The following CFAP57 variants were observed in gnomAD, a reference collection of about 807,000 sequenced individuals.
The protein encoded by CFAP57 is cilia and flagella associated protein 57.
Under a neutral mutation model 146.8 loss-of-function variants are expected in CFAP57, and 116 were observed. The observed-to-expected ratio is 0.79, with a 90% CI of 0.68 to 0.92. The LOEUF is 0.92. Among genes scored for constraint, CFAP57 ranks in the 40% least tolerant of loss-of-function variants. The pLI, the probability that CFAP57 is intolerant of heterozygous loss-of-function variation, is 0.00. For missense variants in CFAP57, 1,377 were observed against 1,527.2 expected (o/e 0.90, Z 1.64); for synonymous variants, 518 against 552.8 (o/e 0.94, Z 0.88).
chr1:43,184,109 A>C (rs1375846876), intron 4 of CFAP57, among the ~76,000 whole-genome samples: 1 of 152,234 alleles, frequency 6.6e-6, no homozygotes, highest in Admixed American at 6.5e-5. Context: ...TTTTATAAAC[A>C]TTATAGTATT....
intron 9 of CFAP57, among the ~76,000 whole-genome samples, chr1:43,202,278 A>T (rs757525054): frequency 3.9e-5 from 6 of 152,236 alleles, no homozygotes; most frequent in Non-Finnish European, 8.8e-5. Context: ...TTAAATTCAA[A>T]TAAAAGGCAG....
intron 6 of CFAP57, among the ~76,000 whole-genome samples, chr1:43,190,523 G>C (rs567084649): frequency 6.6e-6 from 1 of 152,168 alleles, no homozygotes; most frequent in South Asian, 2.1e-4. Context: ...GCCTGCCTCG[G>C]CCTCCTAAAG....
At chr1:43,176,501 G>A (rs755820687) in intron 2 of CFAP57, among the ~76,000 whole-genome samples, 5 of 152,192 alleles carry the variant, frequency 3.3e-5, no homozygotes, top group African/African-American at 7.2e-5. Context: ...TCTGTAAGAT[G>A]CAGATGATGC....
intron 19 of CFAP57, among the ~76,000 whole-genome samples, chr1:43,232,979 A>G (rs1014514953): frequency 2.6e-5 from 4 of 152,244 alleles, no homozygotes; most frequent in Admixed American, 2.6e-4. Flanking sequence ...TGCCAAGGCC[A>G]GGGGAACCTC....
chr1:43,212,339 T>A (rs1644651475), intron 11 of CFAP57, among the ~76,000 whole-genome samples: 1 of 152,250 alleles, frequency 6.6e-6, no homozygotes, highest in Non-Finnish European at 1.5e-5. Flanking sequence ...TTTGTTCTTA[T>A]TTCCATAACT....
intron 21 of CFAP57, among the ~76,000 whole-genome samples, chr1:43,236,590 T>TAAAA (rs764205138): frequency 0.26 from 10,687 of 41,698 alleles, 3,474 homozygotes; most frequent in East Asian, 0.54. Flanking sequence ...GAATAAGTGC[T>TAAAA]AAAAAAAAAA....
chr1:43,196,390 T>C (rs941012432), intron 6 of CFAP57: 1 of 153,386 alleles, frequency 6.5e-6, no homozygotes, highest in Non-Finnish European at 1.5e-5. Context: ...CTACCCAGCA[T>C]AGCATCTCTT....
intron 22 of CFAP57, among the ~76,000 whole-genome samples, chr1:43,251,927 G>A (rs949926621): frequency 6.6e-6 from 1 of 152,194 alleles, no homozygotes; most frequent in Non-Finnish European, 1.5e-5. Flanking sequence ...AAAGGAATTA[G>A]CTAAACTAAT....
chr1:43,222,533 C>T (rs1252932667), intron 15 of CFAP57, among the ~76,000 whole-genome samples: 1 of 152,114 alleles, frequency 6.6e-6, no homozygotes, highest in South Asian at 2.1e-4. Context: ...GCTGGGTGTC[C>T]AGTGAACAAG....
chr1:43,208,790 TAAC>T (rs34352682), intron 10 of CFAP57, among the ~76,000 whole-genome samples: 140,614 of 151,702 alleles, frequency 0.93, 65,324 homozygotes, highest in East Asian at 1. Flanking sequence ...ACTTAAAGTA[TAAC>T]AATAATAATA....
At chr1:43,211,128 CATT>C (rs1644591388) in intron 11 of CFAP57, among the ~76,000 whole-genome samples, 1 of 152,086 alleles carries the variant, frequency 6.6e-6, no homozygotes, top group Non-Finnish European at 1.5e-5. Flanking sequence ...AAAGGTTTCT[CATT>C]ATAAAACAGA....
At position 43,209,890 on chromosome 1, in the gene CFAP57, C is replaced by CA; in HGVS notation, c.1904dup (p.Ala636GlyfsTer14). The CA allele has an allele frequency of 6.2e-7, 1 of 1,614,226 alleles. No homozygotes were observed. The highest frequency in any genetic ancestry group is 8.5e-7 in the Non-Finnish European group (1 of 1,180,048). On this transcript the variant is annotated frameshift_variant, in exon 11 of 23. Transcript: ENST00000372492. LOFTEE classifies it high-confidence loss of function. ...TCTGCAGAAGGAATTCAATGAGTAC[C>CA]AGGCCCATGCCGGTCCTATCACCAA...
chr1:43,186,193 G>A (rs563533190), intron 5 of CFAP57, among the ~76,000 whole-genome samples: 67 of 152,224 alleles, frequency 4.4e-4, no homozygotes, highest in Non-Finnish European at 7.6e-4. Flanking sequence ...ATTGAGCCAA[G>A]ATCATGCCAC....
At chr1:43,199,277 C>T in intron 8 of CFAP57, 113 bp from the exon 9 acceptor site, 1 of 973,550 alleles carries the variant, frequency 1.0e-6, no homozygotes, top group South Asian at 1.3e-5. Context: ...CCCACTCCCA[C>T]CCTCACACGT....
At chr1:43,213,510 G>GT (rs56340257) in intron 11 of CFAP57, among the ~76,000 whole-genome samples, 72,553 of 147,434 alleles carry the variant, frequency 0.49, 19,507 homozygotes, top group East Asian at 0.71. Flanking sequence ...ATATGGGGGG[G>GT]GCGGTGGAGC....
chr1:43,223,517 G>C (rs1645131532), intron 16 of CFAP57, among the ~76,000 whole-genome samples: 1 of 152,182 alleles, frequency 6.6e-6, no homozygotes, highest in Non-Finnish European at 1.5e-5. Flanking sequence ...CATCAGGGGT[G>C]AGGGAGGATT....
At chr1:43,210,209 T>A (rs1020649190) in intron 11 of CFAP57, 12 of 1,521,446 alleles carry the variant, frequency 7.9e-6, no homozygotes, top group Non-Finnish European at 1.1e-5. Context: ...CTGCCGTGAG[T>A]GTGGGCTGCA....
At chr1:43,221,045 G>C (rs1388617129) in intron 13 of CFAP57, among the ~76,000 whole-genome samples, 1 of 152,168 alleles carries the variant, frequency 6.6e-6, no homozygotes, top group African/African-American at 2.4e-5. Context: ...TTTGTTGACA[G>C]CAATGTGCTG....
At chr1:43,214,339 A>G (rs1644752997) in intron 11 of CFAP57, among the ~76,000 whole-genome samples, 1 of 152,024 alleles carries the variant, frequency 6.6e-6, no homozygotes, top group South Asian at 2.1e-4. Context: ...CAGTCTGTTG[A>G]TTGTTTCCTT....
Sources: gnomAD v4.1 joint callset for allele counts (sites outside exome capture counted in the v4.1 genomes callset) on GRCh38, gnomAD v4.1.1 for gene constraint, MANE v1.5 for transcripts, NCBI Gene and HGNC (gene_info 2026-07-23, HGNC 2026-07-21) for gene names.